The following PCDH15 variants were observed in gnomAD, a reference collection of about 807,000 sequenced individuals.
PCDH15 encodes the protein protocadherin-15.
A neutral mutation model predicts 178.5 loss-of-function variants in PCDH15; 129 were observed. The observed-to-expected ratio is 0.72, with a 90% confidence interval of 0.63 to 0.84. The LOEUF is 0.84. PCDH15 is among the 40% of genes least tolerant of loss of function. The probability of loss-of-function intolerance (pLI) is 0.00; values close to 1 mark genes in which losing one functional copy is unlikely to be tolerated. For missense variants in PCDH15, 2,230 were observed against 2,099.9 expected (o/e 1.06, Z -1.21); for synonymous variants, 800 against 732.0 (o/e 1.09, Z -1.50).
chr10:54,182,019 G>T (rs771770666), intron 13 of PCDH15, among the ~76,000 whole-genome samples: 2 of 149,998 alleles, frequency 1.3e-5, no homozygotes, highest in South Asian at 4.2e-4. Flanking sequence ...GTGCAGTGGC[G>T]CCATCTTGGT....
chr10:54,265,771 A>G (rs148154126), intron 8 of PCDH15, among the ~76,000 whole-genome samples: 1 of 152,236 alleles, frequency 6.6e-6, no homozygotes, highest in African/African-American at 2.4e-5. Flanking sequence ...ACCAAGATTC[A>G]TAAAGAAATC....
chr10:54,376,626 A>C (rs1255712215), intron 4 of PCDH15, among the ~76,000 whole-genome samples: 1 of 151,716 alleles, frequency 6.6e-6, no homozygotes, highest in Non-Finnish European at 1.5e-5. Flanking sequence ...ATTCTATATC[A>C]ATGTAAATAA....
At chr10:54,718,642 GA>G (rs1376628911) in intron 1 of PCDH15, among the ~76,000 whole-genome samples, 3 of 145,294 alleles carry the variant, frequency 2.1e-5, no homozygotes, top group Admixed American at 1.4e-4. Context: ...ATGAAAGTAT[GA>G]AAAACAGAGT....
intron 2 of PCDH15, among the ~76,000 whole-genome samples, chr10:55,332,530 A>C (rs1484406024): frequency 6.6e-6 from 1 of 152,184 alleles, no homozygotes; most frequent in Non-Finnish European, 1.5e-5. Context: ...GAACCAAATT[A>C]TTGATCATAA....
At chr10:54,750,136 CTTTA>C (rs1295576317) in intron 1 of PCDH15, among the ~76,000 whole-genome samples, 5 of 151,922 alleles carry the variant, frequency 3.3e-5, no homozygotes, top group Non-Finnish European at 7.4e-5. Flanking sequence ...TTCCAGTTTC[CTTTA>C]TTTAACAGCA....
intron 2 of PCDH15, among the ~76,000 whole-genome samples, chr10:55,518,601 A>T (rs1427472202): frequency 1.3e-5 from 2 of 151,990 alleles, no homozygotes; most frequent in African/African-American, 4.8e-5. Context: ...CCAGTAAAAC[A>T]GCGGGCCTTA....
chr10:54,793,014 G>A (rs768952283), intron 1 of PCDH15, among the ~76,000 whole-genome samples: 2 of 151,660 alleles, frequency 1.3e-5, no homozygotes, highest in African/African-American at 2.4e-5. Context: ...TTCCTACCCA[G>A]TACCAAGCTG....
chr10:54,948,545 G>C (rs1838249551), intron 2 of PCDH15, among the ~76,000 whole-genome samples: 1 of 151,902 alleles, frequency 6.6e-6, no homozygotes, highest in African/African-American at 2.4e-5. Flanking sequence ...TGAGTGAGCA[G>C]GAACTCCCTC....
intron 2 of PCDH15, among the ~76,000 whole-genome samples, chr10:55,614,849 C>T (rs1843442973): frequency 6.6e-6 from 1 of 152,112 alleles, no homozygotes; most frequent in African/African-American, 2.4e-5. Context: ...CCAAGGTTTA[C>T]TTCGTAGGAG....
chr10:54,600,725 C>CA (rs1351604112), intron 2 of PCDH15: 23 of 525,330 alleles, frequency 4.4e-5, no homozygotes, highest in Admixed American at 2.5e-4. Flanking sequence ...ACGACAATTT[C>CA]AAAATGCATG....
chr10:55,152,884 A>C (rs1591946677), intron 2 of PCDH15, among the ~76,000 whole-genome samples: 1 of 152,170 alleles, frequency 6.6e-6, no homozygotes, highest in South Asian at 2.1e-4. Flanking sequence ...ACACATACAC[A>C]CACACAATAA....
In PCDH15 at chr10:53,831,314, C is replaced by T; in HGVS notation, c.4202+1G>A. 6.2e-7 allele frequency: 1 copy of T among 1,613,944 alleles called. No homozygotes were observed. Among genetic ancestry groups the T allele is most frequent in the East Asian group, 2.2e-5 (1 of 44,880 alleles). ...CAGGTTTACCATCCTTGAATACTTA[C>T]TGTCTGTAGCTGACCAAAACCACCA... On this transcript the variant is annotated splice_donor_variant, in intron 30 of 37. Coordinates refer to ENST00000644397, the MANE Select transcript of PCDH15 (RefSeq NM_001384140.1). LOFTEE classifies it high-confidence loss of function.
chr10:54,792,378 C>A (rs1294408105), intron 1 of PCDH15, among the ~76,000 whole-genome samples: 1 of 151,878 alleles, frequency 6.6e-6, no homozygotes, highest in Non-Finnish European at 1.5e-5. Flanking sequence ...AATTCATCTA[C>A]TCAAGGAGCT....
intron 3 of PCDH15, among the ~76,000 whole-genome samples, chr10:54,882,544 C>T (rs1954282940): frequency 6.6e-6 from 1 of 152,038 alleles, no homozygotes; most frequent in African/African-American, 2.4e-5. Flanking sequence ...CCCCACAAAT[C>T]ACTAGACATC....
At chr10:54,295,340 C>T (rs763464718) in intron 8 of PCDH15, among the ~76,000 whole-genome samples, 3 of 152,158 alleles carry the variant, frequency 2.0e-5, no homozygotes, top group South Asian at 2.1e-4. Flanking sequence ...TAAAATGGGC[C>T]AATCAGCAGG....
At chr10:54,542,670 G>A (rs774290027) in intron 2 of PCDH15, among the ~76,000 whole-genome samples, 4 of 152,134 alleles carry the variant, frequency 2.6e-5, no homozygotes, top group Non-Finnish European at 5.9e-5. Context: ...TATAGAACAG[G>A]AAGTTCCAAA....
chr10:55,328,788 C>A (rs1378756209), intron 2 of PCDH15, among the ~76,000 whole-genome samples: 1 of 150,584 alleles, frequency 6.6e-6, no homozygotes, highest in African/African-American at 2.4e-5. Flanking sequence ...TTATTTAAAG[C>A]ATATAGGGGG....
chr10:55,483,815 C>CA lies in PCDH15; in HGVS notation c.-156+143809dup, dbSNP rs71014494. The stretch of plus-strand genomic sequence containing the variant: ...TGGGTGAAAGAGTGAGACTCCATCT[C>CA]AAAAAAAAAAAAAAAAAGACACATG... On this transcript the variant is annotated intron_variant, in intron 2 of 5. Transcript: ENST00000613346. 2.8e-3 allele frequency among the ~76,000 whole-genome samples: 311 copies of CA among 111,150 alleles called. 1 individual carries two copies. The highest frequency in any genetic ancestry group is 4.4e-3 in the African/African-American group (134 of 30,504). The allele number at this position is 111,150 out of a possible 152,430, so 72.9% of individuals were successfully genotyped here. A position where few individuals can be genotyped will look rare whatever the true frequency, so the allele number is the denominator to read the frequency against.
intron 1 of PCDH15, among the ~76,000 whole-genome samples, chr10:54,769,774 C>A (rs779189848): frequency 1.6e-4 from 24 of 152,076 alleles, no homozygotes; most frequent in African/African-American, 7.2e-5. Flanking sequence ...TTTCTTCCTG[C>A]ATAAGCCAGT....
Sources: allele counts gnomAD v4.1 joint callset (sites outside exome capture counted in the v4.1 genomes callset), GRCh38; gene constraint gnomAD v4.1.1; transcripts MANE v1.5; gene names NCBI Gene and HGNC (gene_info 2026-07-23, HGNC 2026-07-21).